Variants in ADAMTS17 observed in about 807,000 individuals in gnomAD.
ADAMTS17 encodes the protein ADAM metallopeptidase with thrombospondin type 1 motif 17.
Under a neutral mutation model 141.5 loss-of-function variants are expected in ADAMTS17, and 113 were observed. The ratio of observed to expected loss-of-function variants is 0.80; its 90% CI spans 0.69 to 0.93. ADAMTS17 has a LOEUF of 0.93. ADAMTS17 is among the 40% of genes least tolerant of loss of function. The probability of loss-of-function intolerance (pLI) is 0.00; values close to 1 mark genes in which losing one functional copy is unlikely to be tolerated. For synonymous variants in ADAMTS17, 768 were observed against 630.6 expected, an observed-to-expected ratio of 1.22 and a Z score of -3.27; for missense variants, 1,659 against 1,517.9, an observed-to-expected ratio of 1.09 and a Z score of -1.54.
chr15:100,206,089 G>A (rs564917457), intron 7 of ADAMTS17, among the ~76,000 whole-genome samples: 1 of 152,198 alleles, frequency 6.6e-6, no homozygotes, highest in South Asian at 2.1e-4. Context: ...CAGACCATGG[G>A]TGGCTCCCTG....
chr15:100,332,363 C>T (rs549924809), intron 2 of ADAMTS17, among the ~76,000 whole-genome samples: 8 of 152,362 alleles, frequency 5.3e-5, no homozygotes, highest in South Asian at 2.1e-4. Context: ...CGGTGCAGAA[C>T]ACCCGAAAAC....
chr15:100,040,155 G>A (rs574296090), intron 18 of ADAMTS17, among the ~76,000 whole-genome samples: 6 of 152,222 alleles, frequency 3.9e-5, no homozygotes, highest in South Asian at 4.2e-4. Flanking sequence ...AGAGGAGTCC[G>A]CCAAGAATGA....
intron 7 of ADAMTS17, among the ~76,000 whole-genome samples, chr15:100,224,320 T>TG (rs1312098251): frequency 2.0e-5 from 3 of 151,336 alleles, no homozygotes; most frequent in Non-Finnish European, 4.4e-5. Context: ...TACAGGAGGG[T>TG]GGGGGGTACA....
intron 7 of ADAMTS17, among the ~76,000 whole-genome samples, chr15:100,249,068 G>C (rs2043072372): frequency 6.6e-6 from 1 of 152,150 alleles, no homozygotes. Flanking sequence ...CAAAGTGATG[G>C]GATTACAGGC....
At chr15:100,084,200 G>A (rs147549760) in intron 15 of ADAMTS17, among the ~76,000 whole-genome samples, 51 of 152,292 alleles carry the variant, frequency 3.3e-4, no homozygotes, top group African/African-American at 1.0e-3. Flanking sequence ...ATTATATCCC[G>A]CGCATGGCTG....
chr15:100,119,474 A>G (rs1034068657), intron 12 of ADAMTS17, among the ~76,000 whole-genome samples: 1 of 152,220 alleles, frequency 6.6e-6, no homozygotes, highest in African/African-American at 2.4e-5. Context: ...ATAGACTCTG[A>G]TTGGTGAACA....
At chr15:100,311,856 T>A (rs555982942) in intron 3 of ADAMTS17, among the ~76,000 whole-genome samples, 40 of 151,972 alleles carry the variant, frequency 2.6e-4, no homozygotes, top group Non-Finnish European at 5.1e-4. Flanking sequence ...TAATATTGAC[T>A]GTGATTGCCA....
intron 3 of ADAMTS17, among the ~76,000 whole-genome samples, chr15:100,298,879 T>C (rs1228665474): frequency 6.6e-6 from 1 of 152,138 alleles, no homozygotes; most frequent in African/African-American, 2.4e-5. Context: ...CTTCTCACAG[T>C]CCCAGAGGCT....
intron 12 of ADAMTS17, among the ~76,000 whole-genome samples, chr15:100,119,121 TGA>T (rs1156327305): frequency 6.7e-6 from 1 of 150,278 alleles, no homozygotes; most frequent in Non-Finnish European, 1.5e-5. Context: ...CACCAGAAGC[TGA>T]GAGAGAGGCC....
At chr15:100,147,328 A>G (rs1480187328) in intron 10 of ADAMTS17, among the ~76,000 whole-genome samples, 3 of 152,186 alleles carry the variant, frequency 2.0e-5, no homozygotes, top group Non-Finnish European at 4.4e-5. Flanking sequence ...ATCACTCAAC[A>G]ATGGGAATAC....
At chr15:100,047,136 T>A (rs988629627) in intron 18 of ADAMTS17, among the ~76,000 whole-genome samples, 4 of 151,728 alleles carry the variant, frequency 2.6e-5, no homozygotes, top group Admixed American at 6.6e-5. Flanking sequence ...TGAGCCCCAG[T>A]CTCCCATAGC....
chr15:100,109,418 G>C (rs1290521996), intron 13 of ADAMTS17, among the ~76,000 whole-genome samples: 1 of 149,194 alleles, frequency 6.7e-6, no homozygotes, highest in African/African-American at 2.5e-5. Flanking sequence ...GAAGAGTTGT[G>C]TGCTAATCTC....
In ADAMTS17 at chr15:100,199,436, C is replaced by A. The variant is rs369267088; in HGVS notation, c.1076-13G>T. On this transcript the variant is annotated splice_polypyrimidine_tract_variant and intron_variant, in intron 7 of 21. Transcript: ENST00000268070. ...AAGTAAGCAATTCCTGCAGCAGAGA[C>A]ACAAAACACATCCTCTTCAGAACGT... The A allele has an allele frequency of 6.6e-5, 106 of 1,610,024 alleles. No individual in the cohort carries two copies. The highest frequency in any genetic ancestry group is 8.0e-5 in the Non-Finnish European group (94 of 1,176,390).
intron 15 of ADAMTS17, among the ~76,000 whole-genome samples, chr15:100,090,201 C>T (rs2035368159): frequency 6.6e-6 from 1 of 152,018 alleles, no homozygotes; most frequent in Admixed American, 6.6e-5. Flanking sequence ...CATATGGAAT[C>T]CAAGGCAGTA....
chr15:100,034,789 C>T (rs2030542085), intron 18 of ADAMTS17, among the ~76,000 whole-genome samples: 1 of 152,208 alleles, frequency 6.6e-6, no homozygotes, highest in African/African-American at 2.4e-5. Context: ...CTCCTTATTC[C>T]TCCAGCATTA....
At chr15:99,995,399 C>A (rs1355692196) in intron 19 of ADAMTS17, among the ~76,000 whole-genome samples, 5 of 152,214 alleles carry the variant, frequency 3.3e-5, no homozygotes, top group Non-Finnish European at 7.3e-5. Context: ...CAAACTCTGA[C>A]CAGCAACCCA....
Position 100,207,750 on chromosome 15 carries a change from T to C in ADAMTS17, c.1076-8327A>G, listed in dbSNP as rs563633128. ...GTGCCATCCCTCAGTCGTTTGACAATGGGGTACACCTTGCAAGTTACAGCC... is the reference window on the plus strand; with the variant it reads ...GTGCCATCCCTCAGTCGTTTGACAACGGGGTACACCTTGCAAGTTACAGCC... On this transcript the variant is annotated intron_variant, in intron 7 of 21. Transcript: ENST00000268070. Among the ~76,000 whole-genome samples the C allele has an allele frequency of 1.3e-5, 2 of 152,078 alleles. 1 individual carries two copies. The highest frequency in any genetic ancestry group is 4.1e-4 in the South Asian group (2 of 4,824).
intron 8 of ADAMTS17, among the ~76,000 whole-genome samples, chr15:100,166,466 T>A (rs2068564028): frequency 6.6e-6 from 1 of 152,214 alleles, no homozygotes; most frequent in African/African-American, 2.4e-5. Flanking sequence ...TGTTCCCATA[T>A]CGACTGGAAA....
At chr15:100,276,578 G>T (rs938649009) in intron 4 of ADAMTS17, among the ~76,000 whole-genome samples, 1 of 151,948 alleles carries the variant, frequency 6.6e-6, no homozygotes, top group Non-Finnish European at 1.5e-5. Context: ...CCACAACTCG[G>T]AGAGAAATGT....
Sources: allele counts gnomAD v4.1 joint callset (sites outside exome capture counted in the v4.1 genomes callset), GRCh38; gene constraint gnomAD v4.1.1; transcripts MANE v1.5; gene names NCBI Gene and HGNC (gene_info 2026-07-23, HGNC 2026-07-21).